Variants in JMJD1C observed in about 807,000 individuals in gnomAD.
The protein encoded by JMJD1C is jumonji domain-containing protein 1C.
JMJD1C carries 31 observed loss-of-function variants against 245.3 expected under a neutral mutation model. That is an observed-to-expected ratio of 0.13 (90% CI 0.09 to 0.17). The LOEUF is 0.17. Ranked by LOEUF, JMJD1C falls within the 10% of genes least tolerant of loss-of-function variation. The pLI is 1.00. For synonymous variants in JMJD1C, 1,057 were observed against 1,017.4 expected (o/e 1.04, Z -0.74); for missense variants, 2,691 against 3,000.2 (o/e 0.90, Z 2.41).
At chr10:63,389,566 G>C (rs1947892207) in intron 1 of JMJD1C, among the ~76,000 whole-genome samples, 1 of 148,796 alleles carries the variant, frequency 6.7e-6, no homozygotes, top group African/African-American at 2.5e-5. Context: ...AACATTTATA[G>C]AACATTTCAT....
At chr10:63,425,672 CTTGGGAGGCTAAG>C (rs1358608772) in intron 1 of JMJD1C, among the ~76,000 whole-genome samples, 1 of 152,112 alleles carries the variant, frequency 6.6e-6, no homozygotes, top group Non-Finnish European at 1.5e-5. Flanking sequence ...ATCCCAGCTA[CTTGGGAGGCTAAG>C]GTGGGAGGAC....
At chr10:63,322,672 G>A (rs1284118075) in intron 2 of JMJD1C, among the ~76,000 whole-genome samples, 8 of 151,500 alleles carry the variant, frequency 5.3e-5, no homozygotes, top group East Asian at 3.9e-4. Context: ...AATTAGTGGC[G>A]CGCTCCTGTA....
At chr10:63,215,865 T>G (rs1168513246) in intron 5 of JMJD1C, among the ~76,000 whole-genome samples, 169 bp from the exon 6 acceptor site, 1 of 152,216 alleles carries the variant, frequency 6.6e-6, no homozygotes, top group Non-Finnish European at 1.5e-5. Context: ...AATTACCTTT[T>G]TAACCTTCTG....
At chr10:63,317,387 C>A (rs950363298) in intron 2 of JMJD1C, among the ~76,000 whole-genome samples, 2 of 152,034 alleles carry the variant, frequency 1.3e-5, no homozygotes, top group African/African-American at 4.8e-5. Flanking sequence ...TGCCTGTAAT[C>A]CCAGCTACTT....
At chr10:63,233,096 A>AC (rs1179864999) in intron 3 of JMJD1C, among the ~76,000 whole-genome samples, 1 of 152,180 alleles carries the variant, frequency 6.6e-6, no homozygotes, top group Non-Finnish European at 1.5e-5. Context: ...AGTGACTCTG[A>AC]CCTGAAGGCT....
intron 3 of JMJD1C, among the ~76,000 whole-genome samples, chr10:63,247,719 C>CAA (rs71025135): frequency 0.57 from 60,258 of 105,172 alleles, 18,315 homozygotes; most frequent in Non-Finnish European, 0.67. Context: ...GTGACAGAGC[C>CAA]AAAAAAAAAA....
chr10:63,371,638 A>G (rs940753496), intron 2 of JMJD1C, among the ~76,000 whole-genome samples: 2 of 151,922 alleles, frequency 1.3e-5, no homozygotes, highest in African/African-American at 4.8e-5. Flanking sequence ...TAAGACTAGA[A>G]TTAATGAATC....
At chr10:63,395,340 T>C (rs1418236015) in intron 1 of JMJD1C, among the ~76,000 whole-genome samples, 2 of 152,018 alleles carry the variant, frequency 1.3e-5, no homozygotes, top group Admixed American at 6.6e-5. Context: ...TAGCCGGGTG[T>C]GGTGGCGGAT....
At chr10:63,431,910 G>A (rs932835373) in intron 1 of JMJD1C, among the ~76,000 whole-genome samples, 5 of 152,226 alleles carry the variant, frequency 3.3e-5, no homozygotes, top group African/African-American at 1.2e-4. Flanking sequence ...TAATCGGGAG[G>A]CTGAGGCAGG....
intron 24 of JMJD1C, among the ~76,000 whole-genome samples, chr10:63,172,755 G>A (rs955331267): frequency 6.6e-6 from 1 of 151,194 alleles, no homozygotes; most frequent in South Asian, 2.1e-4. Context: ...AAAGAAGCAA[G>A]TCTTACAGAT....
chr10:63,381,487 G>C (rs763647054), intron 1 of JMJD1C, among the ~76,000 whole-genome samples: 1 of 152,100 alleles, frequency 6.6e-6, no homozygotes, highest in East Asian at 1.9e-4. Context: ...AGCTATGATC[G>C]CACCACTGCA....
intron 1 of JMJD1C, among the ~76,000 whole-genome samples, chr10:63,517,027 C>T (rs1955039928): frequency 6.6e-6 from 1 of 152,092 alleles, no homozygotes; most frequent in South Asian, 2.1e-4. Context: ...CCTCTCTCTC[C>T]CCCTATTTTC....
At chr10:63,450,345 T>C (rs1951972148) in intron 1 of JMJD1C, among the ~76,000 whole-genome samples, 1 of 152,120 alleles carries the variant, frequency 6.6e-6, no homozygotes, top group Non-Finnish European at 1.5e-5. Context: ...TACACTGATG[T>C]TCACAGCAGC....
Position 63,351,339 on chromosome 10 carries a change from C to T in JMJD1C, c.333+28979G>A, listed in dbSNP as rs932454303. 7.3e-5 allele frequency among the ~76,000 whole-genome samples: 11 copies of T among 151,676 alleles called. 1 individual carries two copies. The East Asian group carries it at 2.2e-3, about 30-fold the overall frequency. On this transcript the variant is annotated intron_variant, in intron 2 of 25. Transcript: ENST00000399262. The stretch of plus-strand genomic sequence containing the variant: ...CTGACCTCAGGTGATCCAGCCACCT[C>T]GGCCTCCCAAAGTGCTGGGATTAGA...
chr10:63,482,793 A>G (rs574302549), intron 1 of JMJD1C, among the ~76,000 whole-genome samples: 4 of 152,288 alleles, frequency 2.6e-5, no homozygotes, highest in Admixed American at 1.3e-4. Context: ...TTCCTATATA[A>G]AGAAGCTGCT....
At chr10:63,388,360 A>AAT (rs1485179859) in intron 1 of JMJD1C, among the ~76,000 whole-genome samples, 1 of 151,880 alleles carries the variant, frequency 6.6e-6, no homozygotes, top group East Asian at 1.9e-4. Context: ...AAAAAAAAAA[A>AAT]GCCGAATATA....
At chr10:63,267,038 T>G (rs547659452) in intron 2 of JMJD1C, among the ~76,000 whole-genome samples, 14 of 152,178 alleles carry the variant, frequency 9.2e-5, no homozygotes, top group Non-Finnish European at 2.1e-4. Flanking sequence ...AAGTAAAATT[T>G]GGCTACCAGA....
chr10:63,396,039 T>A (rs2134650510), intron 1 of JMJD1C, among the ~76,000 whole-genome samples: 1 of 152,296 alleles, frequency 6.6e-6, no homozygotes, highest in South Asian at 2.1e-4. Flanking sequence ...TTTGTCCTAA[T>A]TTATAAATTT....
intron 2 of JMJD1C, among the ~76,000 whole-genome samples, chr10:63,312,095 T>C (rs942998721): frequency 1.8e-5 from 1 of 55,514 alleles, no homozygotes; most frequent in Non-Finnish European, 5.3e-5. Context: ...GTAGCTAAAC[T>C]TTTTTTTTTT....
Sources: gnomAD v4.1 joint callset for allele counts (sites outside exome capture counted in the v4.1 genomes callset) on GRCh38, gnomAD v4.1.1 for gene constraint, MANE v1.5 for transcripts, NCBI Gene and HGNC (gene_info 2026-07-23, HGNC 2026-07-21) for gene names.